CCDC171: variants seen among roughly 807,000 people sequenced by gnomAD.
The protein encoded by CCDC171 is coiled-coil domain containing 171, also known as coiled-coil domain-containing protein 171.
A neutral mutation model predicts 168.2 loss-of-function variants in CCDC171; 177 were observed. That is an observed-to-expected ratio of 1.05 (90% confidence interval 0.93 to 1.19). The LOEUF is 1.19. CCDC171 is among the 50% of genes most tolerant of loss of function. CCDC171 has a pLI of 0.00. For synonymous variants in CCDC171, 687 were observed against 540.8 expected (o/e 1.27, Z -3.75); for missense variants, 1,991 against 1,539.0 (o/e 1.29, Z -4.91).
At chr9:15,643,251 A>C (rs1375345814) in intron 7 of CCDC171, among the ~76,000 whole-genome samples, 1 of 152,126 alleles carries the variant, frequency 6.6e-6, no homozygotes, top group Non-Finnish European at 1.5e-5. Flanking sequence ...AACTAAAATG[A>C]GTATACTAGG....
chr9:15,967,218 A>C (rs765898766), intron 25 of CCDC171, among the ~76,000 whole-genome samples: 1 of 152,212 alleles, frequency 6.6e-6, no homozygotes, highest in Non-Finnish European at 1.5e-5. Flanking sequence ...ACCAAAGTAG[A>C]AATGGCAAGG....
intron 3 of CCDC171, among the ~76,000 whole-genome samples, chr9:15,989,599 G>A (rs1298614815): frequency 6.6e-6 from 1 of 152,154 alleles, no homozygotes; most frequent in African/African-American, 2.4e-5. Context: ...CGAGTTGAGA[G>A]AAGAAGGTTT....
chr9:15,905,316 A>C (rs1019301764), intron 24 of CCDC171, among the ~76,000 whole-genome samples: 4 of 152,226 alleles, frequency 2.6e-5, no homozygotes, highest in African/African-American at 9.6e-5. Flanking sequence ...AATTATAACA[A>C]ACTTTCTCTC....
At chr9:16,055,249 AT>A (rs1265583154) in intron 1 of CCDC171, among the ~76,000 whole-genome samples, 1 of 152,124 alleles carries the variant, frequency 6.6e-6, no homozygotes, top group Non-Finnish European at 1.5e-5. Context: ...GTAAAATTAC[AT>A]TTTAGTTCTG....
At chr9:15,817,225 T>C (rs1179725514) in intron 21 of CCDC171, among the ~76,000 whole-genome samples, 1 of 117,534 alleles carries the variant, frequency 8.5e-6, no homozygotes, top group Non-Finnish European at 1.9e-5. Flanking sequence ...GGAGCCAAGA[T>C]GGCCAAATAG....
chr9:15,795,258 A>T (rs561569151), intron 21 of CCDC171, among the ~76,000 whole-genome samples: 2 of 152,180 alleles, frequency 1.3e-5, no homozygotes, highest in Non-Finnish European at 2.9e-5. Flanking sequence ...ACCCTATTTC[A>T]TCGGTTAATT....
At chr9:15,726,784 G>A (rs1393314102) in intron 14 of CCDC171, among the ~76,000 whole-genome samples, 1 of 151,708 alleles carries the variant, frequency 6.6e-6, no homozygotes. Context: ...TTCTTTTTAA[G>A]TTTGTCTCTT....
the CCDC171 span, among the ~76,000 whole-genome samples, chr9:16,106,693 G>C: frequency 1.3e-5 from 2 of 152,176 alleles, no homozygotes; most frequent in Non-Finnish European, 2.9e-5. Context: ...TTAATTGAGA[G>C]TCATCTTTTA....
chr9:15,987,570 A>G (rs1338136318), intron 3 of CCDC171, among the ~76,000 whole-genome samples: 2 of 152,246 alleles, frequency 1.3e-5, no homozygotes, highest in Non-Finnish European at 2.9e-5. Flanking sequence ...CCTTGTTGGC[A>G]GTAGCCAAAT....
chr9:15,909,297 T>C (rs555578350), intron 24 of CCDC171, among the ~76,000 whole-genome samples: 2 of 152,180 alleles, frequency 1.3e-5, no homozygotes, highest in Non-Finnish European at 2.9e-5. Context: ...TTCTCTAAAA[T>C]TTTGTTTGTG....
chr9:15,707,396 A>G (rs570986060), intron 11 of CCDC171, among the ~76,000 whole-genome samples: 30 of 152,338 alleles, frequency 2.0e-4, no homozygotes, highest in African/African-American at 5.3e-4. Context: ...TTACGATTTG[A>G]TAACAATAGA....
At chr9:15,837,288 A>G (rs1479572852) in intron 21 of CCDC171, among the ~76,000 whole-genome samples, 4 of 152,208 alleles carry the variant, frequency 2.6e-5, no homozygotes, top group East Asian at 1.9e-4. Flanking sequence ...GATCTCGCTC[A>G]TTTAGAAGGT....
intron 6 of CCDC171, among the ~76,000 whole-genome samples, chr9:15,610,462 A>C (rs1207156451): frequency 3.6e-5 from 5 of 137,840 alleles, no homozygotes; most frequent in African/African-American, 1.1e-4. Context: ...AAAAAAAAAA[A>C]AAAAAAAAAA....
chr9:15,762,700 A>G (rs1015354792), intron 18 of CCDC171, among the ~76,000 whole-genome samples: 1 of 152,180 alleles, frequency 6.6e-6, no homozygotes. Flanking sequence ...TTATTTGACT[A>G]TAAAATTTGA....
In CCDC171 at chr9:15,797,067, T is replaced by G. The variant is rs139454887; in HGVS notation, c.3267+12373T>G. 1.8e-3 allele frequency among the ~76,000 whole-genome samples: 268 copies of G among 152,344 alleles called. 2 individuals are homozygous for G. Among genetic ancestry groups the G allele is most frequent in the African/African-American group, 6.0e-3 (251 of 41,572 alleles). On this transcript the variant is annotated intron_variant, in intron 21 of 25. Transcript: ENST00000380701. Reference sequence around the variant, plus strand: ...GGTGAATACTTGGCACTGTCTTTAATTTTATCTGTTATAATGGGTGTATAT... The same window carrying G: ...GGTGAATACTTGGCACTGTCTTTAAGTTTATCTGTTATAATGGGTGTATAT...
At chr9:15,685,393 G>C (rs984733645) in intron 10 of CCDC171, among the ~76,000 whole-genome samples, 1 of 152,126 alleles carries the variant, frequency 6.6e-6, no homozygotes, top group African/African-American at 2.4e-5. Flanking sequence ...TTGAGAATCT[G>C]AAACGGGAGG....
At chr9:15,560,722 T>G (rs2039225873) in intron 1 of CCDC171, among the ~76,000 whole-genome samples, 1 of 152,180 alleles carries the variant, frequency 6.6e-6, no homozygotes, top group African/African-American at 2.4e-5. Context: ...GTCTGAAGCC[T>G]TCTTCTCTTA....
chr9:16,052,792 C>T (rs980878026), intron 1 of CCDC171, among the ~76,000 whole-genome samples: 2 of 151,404 alleles, frequency 1.3e-5, no homozygotes, highest in African/African-American at 4.9e-5. Flanking sequence ...CCTCCCCCAA[C>T]CCACCGCCCC....
At chr9:15,799,561 A>G (rs1479517152) in intron 21 of CCDC171, among the ~76,000 whole-genome samples, 1 of 152,008 alleles carries the variant, frequency 6.6e-6, no homozygotes, top group Non-Finnish European at 1.5e-5. Context: ...ATGTGTGATA[A>G]CCACATCATG....
Sources: gnomAD v4.1 joint callset for allele counts (sites outside exome capture counted in the v4.1 genomes callset) on GRCh38, gnomAD v4.1.1 for gene constraint, MANE v1.5 for transcripts, NCBI Gene and HGNC (gene_info 2026-07-23, HGNC 2026-07-21) for gene names.